Variants in CADPS2 observed in about 807,000 individuals in gnomAD.
CADPS2 encodes calcium-dependent secretion activator 2.
Under a neutral mutation model 172.5 loss-of-function variants are expected in CADPS2, and 93 were observed. The observed-to-expected ratio is 0.54, with a 90% confidence interval of 0.46 to 0.64. The LOEUF is 0.64. CADPS2 is among the 30% of genes least tolerant of loss of function. The pLI, the probability that CADPS2 is intolerant of heterozygous loss-of-function variation, is 0.00. For missense variants in CADPS2, 1,420 were observed against 1,565.9 expected, an observed-to-expected ratio of 0.91 and a Z score of 1.57; for synonymous variants, 546 against 555.2, an observed-to-expected ratio of 0.98 and a Z score of 0.23.
At chr7:122,786,641 T>G (rs1794108493) in intron 1 of CADPS2, among the ~76,000 whole-genome samples, 1 of 152,156 alleles carries the variant, frequency 6.6e-6, no homozygotes, top group Non-Finnish European at 1.5e-5. Context: ...AGATGTAAAT[T>G]TTTTTACTAC....
intron 1 of CADPS2, among the ~76,000 whole-genome samples, chr7:122,746,003 G>A (rs1330044554): frequency 2.0e-5 from 3 of 152,040 alleles, no homozygotes; most frequent in Admixed American, 6.6e-5. Flanking sequence ...TCTTAAGCAG[G>A]TCCCTTAACC....
intron 24 of CADPS2, among the ~76,000 whole-genome samples, chr7:122,380,686 GT>G (rs2042896641): frequency 6.6e-6 from 1 of 152,124 alleles, no homozygotes; most frequent in African/African-American, 2.4e-5. Flanking sequence ...GTCTGAGTGT[GT>G]GTGGGTGTGA....
At chr7:122,413,325 C>T (rs149792187) in intron 19 of CADPS2, among the ~76,000 whole-genome samples, 8 of 152,250 alleles carry the variant, frequency 5.3e-5, no homozygotes, top group Admixed American at 2.6e-4. Context: ...GGAACTTAAA[C>T]TATCTTTCTA....
chr7:122,561,133 G>A (rs2132204133), intron 7 of CADPS2, among the ~76,000 whole-genome samples: 1 of 152,216 alleles, frequency 6.6e-6, no homozygotes, highest in Middle Eastern at 3.4e-3. Flanking sequence ...TACAGACACA[G>A]TGCTCTTTTG....
chr7:122,745,876 T>A (rs2092701448), intron 1 of CADPS2, among the ~76,000 whole-genome samples: 1 of 151,964 alleles, frequency 6.6e-6, no homozygotes, highest in Non-Finnish European at 1.5e-5. Flanking sequence ...ATAGATAACT[T>A]AACCTATTTT....
In CADPS2 at chr7:122,698,469, G is replaced by A. The variant is rs151248984; in HGVS notation, c.454-34900C>T. The A allele has an allele frequency of 5.9e-5, 95 of 1,613,506 alleles. No homozygotes were observed. The East Asian group carries it at 7.1e-4, about 12-fold the overall frequency. On this transcript the variant is annotated intron_variant, in intron 2 of 29. Transcript: ENST00000449022. The stretch of plus-strand genomic sequence containing the variant: ...TTAAGTTACCAATCATAACCACAAC[G>A]ACATCTTCAAATGCCTGATGAAACA...
intron 7 of CADPS2, among the ~76,000 whole-genome samples, chr7:122,558,424 TTAACCTTTCC>T (rs1179326565): frequency 6.6e-6 from 1 of 152,222 alleles, no homozygotes; most frequent in African/African-American, 2.4e-5. Flanking sequence ...TTCGTTTCTC[TTAACCTTTCC>T]GTATGCATTT....
At position 122,549,135 on chromosome 7, in the gene CADPS2, G is replaced by A. The variant is rs115105299; in HGVS notation, c.1475+5415C>T. 3.3e-3 allele frequency among the ~76,000 whole-genome samples: 499 copies of A among 152,172 alleles called. 5 individuals are homozygous for A. The highest frequency in any genetic ancestry group is 0.012 in the African/African-American group (480 of 41,530). Reference sequence around the variant, plus strand: ...CATAAGGCCGAGCACAGTGGCTCACGTCTGTATTTCCAGCACTGTGGGAGG... The same window carrying A: ...CATAAGGCCGAGCACAGTGGCTCACATCTGTATTTCCAGCACTGTGGGAGG... On this transcript the variant is annotated intron_variant, in intron 8 of 29. Transcript: ENST00000449022.
Position 122,886,100 on chromosome 7 carries a change from C to G in CADPS2, c.238G>C (p.Glu80Gln). ...EPQRQLDDEQ[E>Q]RRIRLQLYVF... ...TAGAGCTGCAGGCGGATCCTCCGCT[C>G]CTGCTCATCGTCCAGCTGCCGCTGG... Residue 80 changes from glutamate to glutamine, a missense_variant, in exon 1 of 30, where the codon GAG becomes CAG. Coordinates refer to ENST00000449022, the MANE Select transcript of CADPS2 (RefSeq NM_017954.11). The G allele has an allele frequency of 6.3e-7, 1 of 1,576,720 alleles. No individual in the cohort carries two copies. Among genetic ancestry groups the G allele is most frequent in the Non-Finnish European group, 8.6e-7 (1 of 1,162,002 alleles).
At chr7:122,436,241 A>G (rs2050628193) in intron 17 of CADPS2, 1 of 448,712 alleles carries the variant, frequency 2.2e-6, no homozygotes, top group African/African-American at 2.2e-5. Flanking sequence ...CAAATTCATC[A>G]AGTTGTGTAC....
At chr7:122,769,095 G>T (rs1204654062) in intron 1 of CADPS2, among the ~76,000 whole-genome samples, 1 of 152,188 alleles carries the variant, frequency 6.6e-6, no homozygotes, top group Non-Finnish European at 1.5e-5. Context: ...AGAGAATCAA[G>T]TAAGTGAGTA....
chr7:122,663,290 G>T lies in CADPS2; in HGVS notation c.733C>A (p.Gln245Lys). The change falls in exon 3 of 30, where the codon CAG (glutamine) becomes AAG (lysine). Residue 245 changes from glutamine to lysine, a missense_variant. Gln to Lys is a moderately conservative substitution (Grantham distance 53). Coordinates refer to ENST00000449022, the MANE Select transcript of CADPS2 (RefSeq NM_017954.11). ...SKEQLYEMFQQILGIKKLEHQ... is the reference protein window; with the variant it reads ...SKEQLYEMFQKILGIKKLEHQ... ...TCCAGTTTTTTAATACCCAGAATCTGCTGAAACATTTCATAGAGTTGTTCC... is the reference window on the plus strand; with the variant it reads ...TCCAGTTTTTTAATACCCAGAATCTTCTGAAACATTTCATAGAGTTGTTCC... 1.2e-6 allele frequency: 2 copies of T among 1,613,810 alleles called. No individual in the cohort carries two copies. The highest frequency in any genetic ancestry group is 2.2e-5 in the East Asian group (1 of 44,854).
intron 14 of CADPS2, among the ~76,000 whole-genome samples, chr7:122,455,695 T>A (rs889951045): frequency 1.3e-5 from 2 of 152,104 alleles, no homozygotes; most frequent in African/African-American, 4.8e-5. Context: ...TATAAATTAT[T>A]TGGAACATTT....
chr7:122,666,716 C>T (rs959333392), intron 2 of CADPS2, among the ~76,000 whole-genome samples: 1 of 152,174 alleles, frequency 6.6e-6, no homozygotes. Flanking sequence ...GCTCTTCTTC[C>T]TGGTTCTCTT....
Position 122,767,872 on chromosome 7 carries a change from T to C in CADPS2, c.340-30804A>G, listed in dbSNP as rs142534338. On this transcript the variant is annotated intron_variant, in intron 1 of 29. Transcript: ENST00000449022. ...GATCTGCATTGAAAATTTGAGCTTC[T>C]AGAATTCTGGGATGCTAACTGTGAC... Among the ~76,000 whole-genome samples, 139 of 152,274 alleles carry C rather than the reference T, an allele frequency of 9.1e-4. 2 individuals are homozygous for C. The highest frequency in any genetic ancestry group is 3.2e-3 in the African/African-American group (134 of 41,580).
intron 9 of CADPS2, among the ~76,000 whole-genome samples, chr7:122,507,644 GC>G (rs2059703752): frequency 6.6e-6 from 1 of 152,170 alleles, no homozygotes; most frequent in Non-Finnish European, 1.5e-5. Context: ...AAGAATTTAA[GC>G]AGCAAATTGT....
intron 7 of CADPS2, among the ~76,000 whole-genome samples, chr7:122,558,259 G>A (rs2065278281): frequency 6.6e-6 from 1 of 152,058 alleles, no homozygotes; most frequent in African/African-American, 2.4e-5. Context: ...TTTAGAGATT[G>A]TGTCTGATGT....
chr7:122,822,163 A>T (rs4731065), intron 1 of CADPS2, among the ~76,000 whole-genome samples: 2 of 149,588 alleles, frequency 1.3e-5, no homozygotes, highest in East Asian at 2.0e-4. Context: ...ATAATCTTTG[A>T]GGGCAGGACT....
At chr7:122,324,547 T>C (rs1049964072) in intron 29 of CADPS2, among the ~76,000 whole-genome samples, 1 of 152,130 alleles carries the variant, frequency 6.6e-6, no homozygotes, top group South Asian at 2.1e-4. Context: ...TTCTAACAAG[T>C]TCCCAGGTGA....
Sources: allele counts gnomAD v4.1 joint callset (sites outside exome capture counted in the v4.1 genomes callset), GRCh38; gene constraint gnomAD v4.1.1; transcripts MANE v1.5; gene names NCBI Gene and HGNC (gene_info 2026-07-23, HGNC 2026-07-21).